STK3: variants seen among roughly 807,000 people sequenced by gnomAD.
STK3 encodes serine/threonine kinase 3.
STK3 carries 41 observed loss-of-function variants against 58.0 expected under a neutral mutation model. The observed-to-expected ratio is 0.71, with a 90% CI of 0.55 to 0.92. STK3 has a LOEUF of 0.92. STK3 is among the 40% of genes least tolerant of loss of function. STK3 has a pLI of 0.00. For missense variants in STK3, 479 were observed against 602.7 expected, an observed-to-expected ratio of 0.79 and a Z score of 2.15; for synonymous variants, 170 against 191.0, an observed-to-expected ratio of 0.89 and a Z score of 0.91.
intron 6 of STK3, among the ~76,000 whole-genome samples, chr8:98,700,752 C>T (rs1438547427): frequency 6.6e-6 from 1 of 152,150 alleles, no homozygotes; most frequent in African/African-American, 2.4e-5. Context: ...TTTCCTTTGC[C>T]TGATTCAAGA....
the STK3 span, among the ~76,000 whole-genome samples, chr8:98,349,002 C>A: frequency 6.6e-6 from 1 of 152,192 alleles, no homozygotes; most frequent in East Asian, 1.9e-4. Context: ...TGGAAGCAAC[C>A]ATGATGTCCT....
rs367772907 is a variant in STK3, at chr8:98,653,058, C to A, written c.684+53409G>T. 1.5e-4 allele frequency among the ~76,000 whole-genome samples: 23 copies of A among 152,208 alleles called. No homozygotes were observed. The East Asian group carries it at 1.7e-3, about 11-fold the overall frequency. On this transcript the variant is annotated intron_variant, in intron 6 of 10. Transcript: ENST00000419617. ...CTTTCAGCACCACACCACACCTATT[C>A]CAAAACTGACCACATAGCTGGAAGT... is the stretch of plus-strand genomic sequence containing the variant.
At chr8:98,743,457 C>A in intron 4 of STK3, among the ~76,000 whole-genome samples, 1 of 152,198 alleles carries the variant, frequency 6.6e-6, no homozygotes, top group East Asian at 1.9e-4. Flanking sequence ...TGATCTTTGA[C>A]AAACCTGAGA....
At chr8:98,676,278 T>C (rs1563878395) in intron 6 of STK3, among the ~76,000 whole-genome samples, 1 of 152,152 alleles carries the variant, frequency 6.6e-6, no homozygotes, top group Non-Finnish European at 1.5e-5. Context: ...GTTCTAGAGA[T>C]GAATAGTGGT....
chr8:98,460,954 A>G (rs1420349788), intron 10 of STK3, among the ~76,000 whole-genome samples: 2 of 152,190 alleles, frequency 1.3e-5, no homozygotes, highest in Non-Finnish European at 2.9e-5. Context: ...GATAAGAAGA[A>G]TGTATATTCT....
chr8:98,799,004 G>A (rs1406572425), intron 1 of STK3, among the ~76,000 whole-genome samples: 1 of 152,166 alleles, frequency 6.6e-6, no homozygotes, highest in East Asian at 1.9e-4. Flanking sequence ...AACCAAACCT[G>A]CTGGCAGCTT....
At chr8:98,440,327 T>A (rs1209255217) in intron 1 of STK3, among the ~76,000 whole-genome samples, 1 of 152,226 alleles carries the variant, frequency 6.6e-6, no homozygotes, top group Non-Finnish European at 1.5e-5. Context: ...TTCCATTTTT[T>A]AAAAATTTAT....
chr8:98,394,694 A>G (rs928098581), intron 3 of STK3, among the ~76,000 whole-genome samples: 21 of 152,248 alleles, frequency 1.4e-4, no homozygotes, highest in African/African-American at 4.8e-4. Context: ...AAATGACTGC[A>G]AAGACTAGCA....
chr8:98,756,264 T>A lies in STK3; in HGVS notation c.237-6874A>T, dbSNP rs932948904. Among the ~76,000 whole-genome samples, 3 of 152,346 alleles carry A rather than the reference T, an allele frequency of 2.0e-5. 1 individual carries two copies. The highest frequency in any genetic ancestry group is 2.0e-4 in the Admixed American group (3 of 15,304). On this transcript the variant is annotated intron_variant, in intron 3 of 10. Transcript: ENST00000419617. ...TAGGACTCTCCAAGGGAATAATATT[T>A]AAGCTAAGATGCAAAACTTAACGAG...
Position 98,712,425 on chromosome 8 carries a change from AAGGATGG to A in STK3, c.352-5121_352-5115del, listed in dbSNP as rs1826555966. 2.0e-5 allele frequency among the ~76,000 whole-genome samples: 3 copies of A among 152,092 alleles called. No homozygotes were observed. The South Asian group carries it at 6.2e-4, about 32-fold the overall frequency. On this transcript the variant is annotated intron_variant, in intron 4 of 10. Coordinates refer to ENST00000419617, the MANE Select transcript of STK3 (RefSeq NM_006281.4). Reference sequence around the variant, plus strand: ...AGAGACACACATAGGCTCAAAATAAAAGGATGGAGGAAGATCTACCAAGCAAATGGAA... The same window carrying A: ...AGAGACACACATAGGCTCAAAATAAAAGGAAGATCTACCAAGCAAATGGAA...
chr8:98,556,569 G>T (rs1169407687), intron 8 of STK3, among the ~76,000 whole-genome samples: 1 of 152,060 alleles, frequency 6.6e-6, no homozygotes, highest in East Asian at 1.9e-4. Context: ...ATTCCAGCTA[G>T]AATGGAAAGC....
intron 8 of STK3, among the ~76,000 whole-genome samples, chr8:98,549,034 A>C (rs1404910372): frequency 6.6e-6 from 1 of 152,104 alleles, no homozygotes; most frequent in Non-Finnish European, 1.5e-5. Context: ...GATTGTTGAC[A>C]CCTTTGGCTA....
intron 6 of STK3, among the ~76,000 whole-genome samples, chr8:98,642,427 C>T (rs952648637): frequency 1.3e-5 from 2 of 152,142 alleles, no homozygotes; most frequent in Non-Finnish European, 2.9e-5. Context: ...GCAGGAGAGG[C>T]ACTGTGTACA....
At chr8:98,494,049 C>T (rs892169605) in intron 10 of STK3, among the ~76,000 whole-genome samples, 3 of 152,172 alleles carry the variant, frequency 2.0e-5, no homozygotes, top group East Asian at 3.9e-4. Flanking sequence ...GATTTCTCTA[C>T]TTCCAATCTC....
intron 4 of STK3, among the ~76,000 whole-genome samples, chr8:98,727,054 T>C (rs1827844333): frequency 6.6e-6 from 1 of 152,204 alleles, no homozygotes. Context: ...GCTAAACATA[T>C]TCTGATTTCC....
At chr8:98,751,235 G>C (rs1049621582) in intron 3 of STK3, among the ~76,000 whole-genome samples, 1 of 152,144 alleles carries the variant, frequency 6.6e-6, no homozygotes, top group Non-Finnish European at 1.5e-5. Context: ...GTTTAACATA[G>C]TATTGGAAGT....
intron 1 of STK3, among the ~76,000 whole-genome samples, chr8:98,790,890 A>G (rs1832761942): frequency 1.3e-5 from 2 of 152,100 alleles, no homozygotes; most frequent in Non-Finnish European, 2.9e-5. Context: ...AGGCTGAGGC[A>G]GGAGAATCAC....
In STK3 at chr8:98,415,630, A is replaced by G. The variant is rs1206820381; in HGVS notation, n.484-14117T>C. 2.0e-5 allele frequency among the ~76,000 whole-genome samples: 3 copies of G among 152,312 alleles called. No individual in the cohort carries two copies. The East Asian group carries it at 5.8e-4, about 29-fold the overall frequency. The stretch of plus-strand genomic sequence containing the variant: ...ACCCCTTTTCTTCTGAGAGGCTGCC[A>G]TTATCTTTACCCTGAAATGTGGGTA... On this transcript the variant is annotated intron_variant and non_coding_transcript_variant, in intron 3 of 3. Coordinates refer to the STK3 transcript ENST00000517832.
chr8:98,731,971 G>A (rs903899743), intron 4 of STK3, among the ~76,000 whole-genome samples: 5 of 151,992 alleles, frequency 3.3e-5, no homozygotes, highest in Admixed American at 6.6e-5. Flanking sequence ...TTTAAAAAAC[G>A]TATTATTCTT....
Sources: gnomAD v4.1 joint callset for allele counts (sites outside exome capture counted in the v4.1 genomes callset) on GRCh38, gnomAD v4.1.1 for gene constraint, MANE v1.5 for transcripts, NCBI Gene and HGNC (gene_info 2026-07-23, HGNC 2026-07-21) for gene names.